Variants in CNTNAP2 observed in about 807,000 individuals in gnomAD.
CNTNAP2 encodes contactin-associated protein-like 2.
Under a neutral mutation model 155.2 loss-of-function variants are expected in CNTNAP2, and 98 were observed. The ratio of observed to expected loss-of-function variants is 0.63; its 90% CI spans 0.54 to 0.75. CNTNAP2 has a LOEUF of 0.75. Ranked by LOEUF, CNTNAP2 falls within the 30% of genes least tolerant of loss-of-function variation. The probability of loss-of-function intolerance (pLI) is 0.00; values close to 1 mark genes in which losing one functional copy is unlikely to be tolerated. For missense variants in CNTNAP2, 1,727 were observed against 1,688.1 expected (o/e 1.02, Z -0.40); for synonymous variants, 651 against 631.2 (o/e 1.03, Z -0.47).
At chr7:146,151,653 T>TAC (rs1554396851) in intron 1 of CNTNAP2, among the ~76,000 whole-genome samples, 22 of 23,710 alleles carry the variant, frequency 9.3e-4, no homozygotes, top group African/African-American at 2.3e-3. Flanking sequence ...TATATATATA[T>TAC]ATATATATAT....
At chr7:146,216,517 T>G (rs1369938107) in intron 1 of CNTNAP2, among the ~76,000 whole-genome samples, 1 of 152,156 alleles carries the variant, frequency 6.6e-6, no homozygotes, top group Non-Finnish European at 1.5e-5. Context: ...AGCCAATGTT[T>G]CAGAAGCAAC....
At chr7:148,394,673 T>G (rs1476590396) in intron 22 of CNTNAP2, among the ~76,000 whole-genome samples, 1 of 152,212 alleles carries the variant, frequency 6.6e-6, no homozygotes, top group Non-Finnish European at 1.5e-5. Context: ...TCATCCAGAT[T>G]TTAATGTGCT....
rs1349537268 is a variant in CNTNAP2 at position 148,409,879 on chromosome 7, G to A, written c.3796+408G>A. 8.7e-5 allele frequency among the ~76,000 whole-genome samples: 8 copies of A among 91,902 alleles called. 1 individual carries two copies. The highest frequency in any genetic ancestry group is 3.4e-4 in the Admixed American group (4 of 11,814). The allele number at this position is 91,902 out of a possible 152,430, so 60.3% of individuals were successfully genotyped here. A position where few individuals can be genotyped will look rare whatever the true frequency, so the allele number is the denominator to read the frequency against. On this transcript the variant is annotated intron_variant, in intron 23 of 23. Coordinates refer to ENST00000361727, the MANE Select transcript of CNTNAP2 (RefSeq NM_014141.6). The stretch of plus-strand genomic sequence containing the variant: ...ATCTTGGCTAACACGGTGAAACCCC[G>A]TCTCTACTAAAAATACAAAAAATTA...
chr7:147,129,318 C>G (rs188226255), intron 7 of CNTNAP2, among the ~76,000 whole-genome samples: 12 of 152,224 alleles, frequency 7.9e-5, no homozygotes, highest in African/African-American at 2.6e-4. Context: ...AATCTCTAAC[C>G]AGACTAAATA....
At chr7:148,379,857 G>C (rs1799014370) in intron 21 of CNTNAP2, among the ~76,000 whole-genome samples, 1 of 152,168 alleles carries the variant, frequency 6.6e-6, no homozygotes, top group South Asian at 2.1e-4. Context: ...TCCTGCTCAG[G>C]TGCCCTTTTC....
intron 15 of CNTNAP2, among the ~76,000 whole-genome samples, chr7:147,986,906 G>T (rs1291055315): frequency 1.2e-4 from 17 of 145,054 alleles, no homozygotes; most frequent in African/African-American, 3.8e-4. Flanking sequence ...TGTGTGGTTG[G>T]TTTTTTTTAA....
chr7:147,300,874 G>C (rs1794934832), intron 9 of CNTNAP2, among the ~76,000 whole-genome samples: 1 of 152,046 alleles, frequency 6.6e-6, no homozygotes, highest in Admixed American at 6.6e-5. Flanking sequence ...GCCTCTCCCG[G>C]GGGTCACTGG....
intron 13 of CNTNAP2, among the ~76,000 whole-genome samples, chr7:147,787,675 C>T (rs1443136546): frequency 6.6e-6 from 1 of 152,114 alleles, no homozygotes; most frequent in Non-Finnish European, 1.5e-5. Context: ...AGACTTTTAA[C>T]AAGCAAAGAA....
intron 8 of CNTNAP2, among the ~76,000 whole-genome samples, chr7:147,157,734 G>T (rs1801954099): frequency 6.6e-6 from 1 of 152,078 alleles, no homozygotes; most frequent in African/African-American, 2.4e-5. Flanking sequence ...ACAGATATAT[G>T]TGCTTAATGC....
intron 1 of CNTNAP2, among the ~76,000 whole-genome samples, chr7:146,404,363 G>A (rs1425036855): frequency 6.6e-6 from 1 of 152,116 alleles, no homozygotes; most frequent in Non-Finnish European, 1.5e-5. Flanking sequence ...ATGGCCTGGG[G>A]TGGAATGGAG....
At chr7:146,191,208 A>T (rs1798699378) in intron 1 of CNTNAP2, among the ~76,000 whole-genome samples, 2 of 152,054 alleles carry the variant, frequency 1.3e-5, no homozygotes, top group South Asian at 4.1e-4. Flanking sequence ...AGTACAAAAC[A>T]GACAAATTTT....
At chr7:147,459,877 ATAGG>A (rs1797988187) in intron 10 of CNTNAP2, among the ~76,000 whole-genome samples, 1 of 152,156 alleles carries the variant, frequency 6.6e-6, no homozygotes, top group Non-Finnish European at 1.5e-5. Flanking sequence ...CTGTGATGAA[ATAGG>A]TAGGTCTGAA....
intron 13 of CNTNAP2, among the ~76,000 whole-genome samples, chr7:147,815,972 A>G (rs914326019): frequency 2.0e-4 from 30 of 152,196 alleles, no homozygotes; most frequent in African/African-American, 6.8e-4. Context: ...TTGTGTTTAC[A>G]TATTCTCAGA....
intron 10 of CNTNAP2, among the ~76,000 whole-genome samples, chr7:147,438,255 A>G (rs901775166): frequency 1.4e-4 from 21 of 152,074 alleles, no homozygotes; most frequent in African/African-American, 4.6e-4. Flanking sequence ...GGTTTGTCAT[A>G]TATGGCTTTC....
At chr7:147,531,364 T>C (rs1455881275) in intron 11 of CNTNAP2, among the ~76,000 whole-genome samples, 9 of 152,240 alleles carry the variant, frequency 5.9e-5, no homozygotes, top group Non-Finnish European at 1.0e-4. Flanking sequence ...GCCCCATCCC[T>C]GCAGCAAATT....
rs538042952 is a variant in CNTNAP2, at chr7:147,874,184, G to A, written c.2099-29381G>A. Among the ~76,000 whole-genome samples the A allele has an allele frequency of 7.9e-5, 12 of 152,252 alleles. No individual in the cohort carries two copies. The East Asian group carries it at 1.2e-3, about 15-fold the overall frequency. ...ATTCTGGGGTCTGGAGGACGGTGAC[G>A]CTCTTCTCACAGCTCCACTATGCAG... On this transcript the variant is annotated intron_variant, in intron 13 of 23. Coordinates refer to ENST00000361727, the MANE Select transcript of CNTNAP2 (RefSeq NM_014141.6).
At chr7:148,333,477 G>A (rs1047983597) in intron 21 of CNTNAP2, among the ~76,000 whole-genome samples, 7 of 152,076 alleles carry the variant, frequency 4.6e-5, no homozygotes, top group African/African-American at 1.7e-4. Flanking sequence ...AATTGACTGG[G>A]AGGACTTTAT....
At chr7:146,443,417 T>G (rs976456818) in intron 1 of CNTNAP2, among the ~76,000 whole-genome samples, 16 of 151,764 alleles carry the variant, frequency 1.1e-4, no homozygotes, top group Non-Finnish European at 1.8e-4. Context: ...TCCACCCCTT[T>G]CATTCATACC....
intron 13 of CNTNAP2, among the ~76,000 whole-genome samples, chr7:147,680,440 C>T (rs1484387361): frequency 6.6e-6 from 1 of 151,814 alleles, no homozygotes; most frequent in African/African-American, 2.4e-5. Context: ...AAATATTCAG[C>T]CAACAATATG....
Sources: gnomAD v4.1 joint callset for allele counts (sites outside exome capture counted in the v4.1 genomes callset) on GRCh38, gnomAD v4.1.1 for gene constraint, MANE v1.5 for transcripts, NCBI Gene and HGNC (gene_info 2026-07-23, HGNC 2026-07-21) for gene names.